Variants in DIAPH2 observed in about 807,000 individuals in gnomAD.
DIAPH2 encodes protein diaphanous homolog 2.
DIAPH2 carries 35 observed loss-of-function variants against 92.7 expected under a neutral mutation model. The ratio of observed to expected loss-of-function variants is 0.38; its 90% CI spans 0.29 to 0.50. The LOEUF is 0.50. Among genes scored for constraint, DIAPH2 ranks in the 20% least tolerant of loss-of-function variants. DIAPH2 has a pLI of 0.94. For synonymous variants in DIAPH2, 301 were observed against 280.4 expected (o/e 1.07, Z -0.73); for missense variants, 701 against 819.5 (o/e 0.86, Z 1.77).
intron 26 of DIAPH2, among the ~76,000 whole-genome samples, chrX:97,493,173 A>G (rs765977250): frequency 1.9e-4 from 21 of 112,644 alleles, no homozygotes; most frequent in Admixed American, 1.8e-3. Flanking sequence ...CTGCTGTTTA[A>G]TCACTGTAGT....
chrX:97,183,304 G>A (rs1017600689), intron 22 of DIAPH2, among the ~76,000 whole-genome samples: 3 of 111,407 alleles, frequency 2.7e-5, no homozygotes, highest in Non-Finnish European at 5.6e-5. Context: ...CAAGTTCACT[G>A]CTGGCTGGCT....
At chrX:97,438,574 G>C (rs1419171907) in intron 26 of DIAPH2, among the ~76,000 whole-genome samples, 1 of 107,874 alleles carries the variant, frequency 9.3e-6, no homozygotes, top group Admixed American at 1.0e-4. Context: ...ATGGGGTTTT[G>C]TCATGCTGCC....
At chrX:97,070,004 C>T (rs979815451) in intron 17 of DIAPH2, among the ~76,000 whole-genome samples, 2 of 111,337 alleles carry the variant, frequency 1.8e-5, no homozygotes, top group Non-Finnish European at 3.8e-5. Context: ...TATAAGAATA[C>T]TCAGTGGGCA....
At chrX:96,709,082 T>A (rs1472714743) in intron 1 of DIAPH2, among the ~76,000 whole-genome samples, 1 of 112,321 alleles carries the variant, frequency 8.9e-6, no homozygotes, top group Non-Finnish European at 1.9e-5. Flanking sequence ...AATTTCATAT[T>A]TCTTCCCATA....
At chrX:96,783,048 G>A (rs766581012) in intron 4 of DIAPH2, among the ~76,000 whole-genome samples, 2 of 111,902 alleles carry the variant, frequency 1.8e-5, no homozygotes, top group South Asian at 7.5e-4. Context: ...CAATGCGTAC[G>A]ATCAGTGAAA....
intron 22 of DIAPH2, among the ~76,000 whole-genome samples, chrX:97,185,329 A>ATATATATATATATGTATATATATATG (rs2067574484): frequency 1.1e-4 from 1 of 9,406 alleles, no homozygotes; most frequent in Non-Finnish European, 2.0e-4. Context: ...ATATATGTGT[A>ATATATATATATATGTATATATATATG]TATATATATA....
At chrX:97,414,487 A>G (rs1024960562) in intron 25 of DIAPH2, among the ~76,000 whole-genome samples, 21 of 109,544 alleles carry the variant, frequency 1.9e-4, no homozygotes, top group Admixed American at 2.9e-4. Flanking sequence ...TGTCTCTACT[A>G]AAAATATAAA....
intron 26 of DIAPH2, among the ~76,000 whole-genome samples, chrX:97,579,605 G>A (rs1490773105): frequency 9.0e-6 from 1 of 111,085 alleles, no homozygotes; most frequent in Non-Finnish European, 1.9e-5. Flanking sequence ...GTAGTGTGTT[G>A]CCTCCAGCTT....
intron 22 of DIAPH2, among the ~76,000 whole-genome samples, chrX:97,234,724 AT>A (rs201579062): frequency 6.4e-5 from 7 of 110,147 alleles, no homozygotes; most frequent in South Asian, 3.8e-4. Flanking sequence ...CCTTCTTTTG[AT>A]TTTTTTTTCA....
At chrX:97,415,236 C>T (rs999496707) in intron 25 of DIAPH2, among the ~76,000 whole-genome samples, 5 of 111,767 alleles carry the variant, frequency 4.5e-5, no homozygotes, top group African/African-American at 1.3e-4. Context: ...GAAATAGGAA[C>T]GCTTTTACAT....
intron 3 of DIAPH2, among the ~76,000 whole-genome samples, chrX:96,751,619 CATT>C (rs1456508516): frequency 2.0e-5 from 2 of 100,277 alleles, no homozygotes; most frequent in Non-Finnish European, 4.0e-5. Context: ...ATAAAAATAA[CATT>C]ATAAATGGTC....
chrX:97,263,170 A>AT (rs1466672657), intron 23 of DIAPH2, among the ~76,000 whole-genome samples: 1 of 112,097 alleles, frequency 8.9e-6, no homozygotes, highest in Non-Finnish European at 1.9e-5. Flanking sequence ...CATGCATTAG[A>AT]TTTTTTTCCT....
intron 18 of DIAPH2, among the ~76,000 whole-genome samples, chrX:97,074,303 G>T (rs2147913035): frequency 9.0e-6 from 1 of 111,405 alleles, no homozygotes; most frequent in African/African-American, 3.3e-5. Flanking sequence ...CTACTTGGGA[G>T]GCTGAGGCAC....
At chrX:96,874,743 C>T (rs2065167400) in intron 4 of DIAPH2, among the ~76,000 whole-genome samples, 1 of 111,433 alleles carries the variant, frequency 9.0e-6, no homozygotes, top group South Asian at 3.7e-4. Flanking sequence ...TTTTTGTTTC[C>T]TCTAATGTTA....
intron 22 of DIAPH2, among the ~76,000 whole-genome samples, chrX:97,216,526 G>A (rs1005470878): frequency 1.1e-4 from 12 of 107,675 alleles, no homozygotes; most frequent in Admixed American, 2.0e-4. Flanking sequence ...GGCTGGTCTC[G>A]AGTTCCTGGG....
At chrX:96,895,497 A>T (rs1284244045) in intron 5 of DIAPH2, among the ~76,000 whole-genome samples, 6 of 112,189 alleles carry the variant, frequency 5.3e-5, no homozygotes, top group Non-Finnish European at 1.1e-4. Context: ...GGAATCACAT[A>T]ATAATGTTCC....
chrX:97,543,578 C>T (rs2071157024), intron 26 of DIAPH2, among the ~76,000 whole-genome samples: 1 of 110,638 alleles, frequency 9.0e-6, no homozygotes, highest in Non-Finnish European at 1.9e-5. Flanking sequence ...GATCTTGACT[C>T]ACTGCAACCT....
At chrX:97,235,618 A>G (rs1236741060) in intron 22 of DIAPH2, among the ~76,000 whole-genome samples, 2 of 109,516 alleles carry the variant, frequency 1.8e-5, no homozygotes, top group African/African-American at 3.3e-5. Context: ...AAAAAAAAAA[A>G]AAAAAGAAAG....
At chrX:96,861,523 T>A (rs143222932) in intron 4 of DIAPH2, among the ~76,000 whole-genome samples, 198 of 111,799 alleles carry the variant, frequency 1.8e-3, no homozygotes, top group African/African-American at 6.2e-3. Context: ...TAGGCCACCA[T>A]CCTCATCACC....
Sources: allele counts gnomAD v4.1 joint callset (sites outside exome capture counted in the v4.1 genomes callset), GRCh38; gene constraint gnomAD v4.1.1; transcripts MANE v1.5; gene names NCBI Gene and HGNC (gene_info 2026-07-23, HGNC 2026-07-21).